TANGO6: variants seen among roughly 807,000 people sequenced by gnomAD.
The protein encoded by TANGO6 is transport and golgi organization 6 homolog.
TANGO6 carries 90 observed loss-of-function variants against 114.2 expected under a neutral mutation model. That is an observed-to-expected ratio of 0.79 (90% CI 0.66 to 0.94). The LOEUF (loss-of-function observed/expected upper bound fraction) is 0.94, where lower values mean the gene tolerates loss of function less well. Among genes scored for constraint, TANGO6 ranks in the 40% least tolerant of loss-of-function variants. The pLI, the probability that TANGO6 is intolerant of heterozygous loss-of-function variation, is 0.00. For synonymous variants in TANGO6, 477 were observed against 509.8 expected (o/e 0.94, Z 0.87); for missense variants, 1,274 against 1,315.3 (o/e 0.97, Z 0.49).
chr16:69,039,627 C>A (rs977422502), intron 16 of TANGO6, among the ~76,000 whole-genome samples: 1 of 150,900 alleles, frequency 6.6e-6, no homozygotes, highest in Admixed American at 6.6e-5. Flanking sequence ...CAGAGTGAGA[C>A]CCTGTCTCAA....
chr16:68,941,561 T>C (rs1226669385), intron 14 of TANGO6, among the ~76,000 whole-genome samples: 2 of 152,036 alleles, frequency 1.3e-5, no homozygotes, highest in Non-Finnish European at 2.9e-5. Flanking sequence ...CTGGCCAATA[T>C]GGTGAAAACC....
chr16:68,878,178 AC>A lies in TANGO6; in HGVS notation c.1194del (p.Thr399LeufsTer4). ...LTARQFQRVATTTFITLSRER... is the reference protein window; with the variant it reads ...LTARQFQRVAXTTFITLSRER... ...AGCACGACAATTTCAGAGAGTTGCC[AC>A]CACTACCTTTATAACTTTGTCAAGA... On this transcript the variant is annotated frameshift_variant, in exon 6 of 18. Transcript: ENST00000261778. LOFTEE classifies it high-confidence loss of function. 1 of 1,613,242 alleles carries A rather than the reference AC, an allele frequency of 6.2e-7. No homozygotes were observed. Among genetic ancestry groups the A allele is most frequent in the South Asian group, 1.1e-5 (1 of 90,790 alleles).
chr16:69,048,625 C>T (rs1211091086), intron 17 of TANGO6, among the ~76,000 whole-genome samples: 1 of 152,102 alleles, frequency 6.6e-6, no homozygotes, highest in Non-Finnish European at 1.5e-5. Flanking sequence ...CAGTATTGGA[C>T]TCTGATGGCT....
chr16:68,860,346 A>T lies in TANGO6; in HGVS notation c.557A>T (p.Asp186Val), dbSNP rs758480082. ...GTCGTTCAAGACGTGGTGTGTTTTGATGCTGCCCCCGATGCAACTCGAAGA... is the reference window on the plus strand; with the variant it reads ...GTCGTTCAAGACGTGGTGTGTTTTGTTGCTGCCCCCGATGCAACTCGAAGA... ...GAVVQDVVCF[D>V]AAPDATRRLY... is the part of the protein sequence containing the mutation. The change falls in exon 2 of 18, where the codon GAT becomes GTT. Residue 186 changes from aspartate to valine, a missense_variant. By Grantham distance (152) the Asp-to-Val change is radical (BLOSUM62 -3). This residue lies in a region of TANGO6 where 908 missense variants were observed against 910.2 expected (regional missense o/e 1.00). Coordinates refer to ENST00000261778, the MANE Select transcript of TANGO6 (RefSeq NM_024562.2). 2.5e-6 allele frequency: 4 copies of T among 1,613,932 alleles called. No homozygotes were observed. Among genetic ancestry groups the T allele is most frequent in the Non-Finnish European group, 3.4e-6 (4 of 1,179,900 alleles).
intron 2 of TANGO6, among the ~76,000 whole-genome samples, chr16:68,862,720 G>A (rs567122525): frequency 3.2e-4 from 48 of 152,276 alleles, no homozygotes; most frequent in Middle Eastern, 6.8e-3. Flanking sequence ...ATCCTCAGCC[G>A]TAAGATCAGT....
Position 68,980,383 on chromosome 16 carries a change from T to TTCTCTCTCTCTCTC in TANGO6, c.2842+6229_2842+6242dup, listed in dbSNP as rs143061953. ...TGAGTATGAATCTATCTGTCTGTCA[T>TTCTCTCTCTCTCTC]TCTCTCTCTCTCTCTCTCTCTCTCT... On this transcript the variant is annotated intron_variant, in intron 15 of 17. Transcript: ENST00000261778. Among the ~76,000 whole-genome samples, 262 of 36,752 alleles carry TTCTCTCTCTCTCTC rather than the reference T, an allele frequency of 7.1e-3. 7 individuals carry two copies. Among genetic ancestry groups the TTCTCTCTCTCTCTC allele is most frequent in the Non-Finnish European group, 9.7e-3 (188 of 19,346 alleles). The allele number at this position is 36,752 out of a possible 152,430, so 24.1% of individuals were successfully genotyped here.
intron 7 of TANGO6, among the ~76,000 whole-genome samples, chr16:68,891,399 G>T (rs535777366): frequency 3.5e-4 from 53 of 152,206 alleles, no homozygotes; most frequent in Non-Finnish European, 6.8e-4. Context: ...GGCGGAGGTT[G>T]CAGTGAGCCA....
At chr16:69,048,564 C>A (rs1398454282) in intron 17 of TANGO6, among the ~76,000 whole-genome samples, 1 of 152,022 alleles carries the variant, frequency 6.6e-6, no homozygotes, top group Non-Finnish European at 1.5e-5. Context: ...GTTTTAAGTT[C>A]TGAGGCAAAC....
chr16:68,949,485 A>C lies in TANGO6; in HGVS notation c.2701+19190A>C, dbSNP rs371218419. ...AAAAGACAAAAATTAGCCGGGCATG[A>C]TTGTCAGTGCCTGTAATCCCAGCTA... is the stretch of plus-strand genomic sequence containing the variant. On this transcript the variant is annotated intron_variant, in intron 14 of 17. Transcript: ENST00000261778. Among the ~76,000 whole-genome samples, 7 of 150,654 alleles carry C rather than the reference A, an allele frequency of 4.6e-5. No homozygotes were observed. In the East Asian group the frequency reaches 1.4e-3, roughly 30 times the overall value.
intron 7 of TANGO6, among the ~76,000 whole-genome samples, chr16:68,893,596 C>T (rs1033653547): frequency 1.3e-5 from 2 of 151,628 alleles, no homozygotes; most frequent in African/African-American, 4.8e-5. Flanking sequence ...ATTAGCCGGG[C>T]GTGGTGGCAC....
At chr16:69,082,451 GA>G (rs1960479230) in intron 17 of TANGO6, among the ~76,000 whole-genome samples, 1 of 151,912 alleles carries the variant, frequency 6.6e-6, no homozygotes, top group Non-Finnish European at 1.5e-5. Context: ...GACTGCTCAA[GA>G]AATAGCCTCC....
At chr16:68,939,599 A>G (rs925991269) in intron 14 of TANGO6, among the ~76,000 whole-genome samples, 63 of 146,030 alleles carry the variant, frequency 4.3e-4, no homozygotes, top group African/African-American at 1.5e-3. Flanking sequence ...TTTTTTTGCC[A>G]TAAAGCATGG....
At chr16:68,934,966 A>G (rs894543996) in intron 14 of TANGO6, among the ~76,000 whole-genome samples, 4 of 152,222 alleles carry the variant, frequency 2.6e-5, no homozygotes, top group Non-Finnish European at 5.9e-5. Context: ...GATGAAGAAC[A>G]TGAGGGGTAG....
chr16:69,058,477 ACATTCGGATGC>A (rs1960066986), intron 17 of TANGO6, among the ~76,000 whole-genome samples: 1 of 152,208 alleles, frequency 6.6e-6, no homozygotes, highest in African/African-American at 2.4e-5. Context: ...CAGAAGGTTT[ACATTCGGATGC>A]CACACAGCCA....
chr16:69,080,182 A>G (rs980469387), intron 17 of TANGO6, among the ~76,000 whole-genome samples: 3 of 152,262 alleles, frequency 2.0e-5, no homozygotes, highest in African/African-American at 7.2e-5. Context: ...AAAATAAGTT[A>G]TTTCCATATG....
At chr16:68,922,623 G>A (rs1412236257) in intron 12 of TANGO6, among the ~76,000 whole-genome samples, 2 of 151,620 alleles carry the variant, frequency 1.3e-5, no homozygotes, top group African/African-American at 2.4e-5. Flanking sequence ...AAATTTCAGA[G>A]TTAGTCACCA....
chr16:69,031,213 A>C (rs1431234269), intron 16 of TANGO6, among the ~76,000 whole-genome samples: 1 of 152,062 alleles, frequency 6.6e-6, no homozygotes, highest in Non-Finnish European at 1.5e-5. Flanking sequence ...AATCAATCCC[A>C]GGAATGTTCA....
At chr16:69,050,383 C>T (rs1959929111) in intron 17 of TANGO6, among the ~76,000 whole-genome samples, 1 of 151,958 alleles carries the variant, frequency 6.6e-6, no homozygotes, top group Non-Finnish European at 1.5e-5. Flanking sequence ...TCATGGTCAT[C>T]CTGGCTGGAA....
chr16:69,078,736 A>ATTTTAT (rs1009780353), intron 17 of TANGO6, among the ~76,000 whole-genome samples: 3 of 152,008 alleles, frequency 2.0e-5, no homozygotes, highest in African/African-American at 7.3e-5. Flanking sequence ...TCTGTATTTT[A>ATTTTAT]TTTTATTTTT....
Sources: gnomAD v4.1 joint callset for allele counts (sites outside exome capture counted in the v4.1 genomes callset) on GRCh38, gnomAD v4.1.1 for gene constraint, gnomAD v4.1.1 regional missense constraint, MANE v1.5 for transcripts, NCBI Gene and HGNC (gene_info 2026-07-23, HGNC 2026-07-21) for gene names.